Variants in FAAP20 observed in about 807,000 individuals in gnomAD.
FAAP20 encodes Fanconi anemia core complex-associated protein 20.
FAAP20 carries 12 observed loss-of-function variants against 16.2 expected under a neutral mutation model. The observed-to-expected ratio is 0.74, with a 90% confidence interval of 0.48 to 1.20. FAAP20 has a LOEUF of 1.20. FAAP20 is among the 50% of genes most tolerant of loss of function. The pLI, the probability that FAAP20 is intolerant of heterozygous loss-of-function variation, is 0.00. For synonymous variants in FAAP20, 141 were observed against 110.7 expected (o/e 1.27, Z -1.72); for missense variants, 288 against 245.8 (o/e 1.17, Z -1.15).
chr1:2,198,120 G>T, upstream of FAAP20: 2 of 1,291,064 alleles, frequency 1.5e-6, no homozygotes, highest in Non-Finnish European at 2.0e-6. Flanking sequence ...GGAGCCATCT[G>T]CTGCTGTGGT....
At chr1:2,199,651 GACTCATGTCC>G, upstream of FAAP20, 1 of 985,210 alleles carries the variant, frequency 1.0e-6, no homozygotes. This position sits in a 1 kb window ranked among gnomAD's most constrained non-coding sequence, Gnocchi z 4.5. Flanking sequence ...CGTCTCCGAA[GACTCATGTCC>G]ACCAGTACCT....
At chr1:2,207,447 T>C (rs1020855866), downstream of FAAP20, 1 of 152,196 alleles carries the variant, frequency 6.6e-6, no homozygotes, top group Non-Finnish European at 1.5e-5. Flanking sequence ...CTGTCGGAGA[T>C]GGAGGCGGGA....
At chr1:2,201,310 G>A, upstream of FAAP20, 2 of 1,055,424 alleles carry the variant, frequency 1.9e-6, no homozygotes, top group Non-Finnish European at 2.4e-6. Context: ...AGCGACCTCT[G>A]TAGGCTCGAA....
chr1:2,212,001 C>A (rs949808948), downstream of FAAP20, among the ~76,000 whole-genome samples: 1 of 147,882 alleles, frequency 6.8e-6, no homozygotes, highest in Non-Finnish European at 1.5e-5. Flanking sequence ...CTCCCAGGTT[C>A]ACACCATTCT....
upstream of FAAP20, chr1:2,198,560 G>T: frequency 3.9e-6 from 3 of 778,182 alleles, no homozygotes; most frequent in Non-Finnish European, 5.3e-6. Flanking sequence ...TGCAAATCAG[G>T]CTAAGACAGC....
At chr1:2,212,460 T>C (rs1175818418) in intron 1 of FAAP20, 1 of 155,878 alleles carries the variant, frequency 6.4e-6, no homozygotes, top group Non-Finnish European at 1.4e-5. Flanking sequence ...CTTGGATCTC[T>C]GGTTGGGGGA....
At chr1:2,201,649 G>A (rs370056032), upstream of FAAP20, among the ~76,000 whole-genome samples, 3 of 152,174 alleles carry the variant, frequency 2.0e-5, no homozygotes, top group African/African-American at 7.2e-5. Flanking sequence ...TTGAACCTGG[G>A]AGGCGGAGGT....
At chr1:2,187,063 G>C (rs1295442425), downstream of FAAP20, 1 of 375,474 alleles carries the variant, frequency 2.7e-6, no homozygotes, top group Non-Finnish European at 5.6e-6. Flanking sequence ...CGAAAACTCT[G>C]GTGACTTGGG....
At chr1:2,185,391 T>A (rs182024458), downstream of FAAP20, 65 of 718,872 alleles carry the variant, frequency 9.0e-5, no homozygotes, top group Admixed American at 5.0e-4. Flanking sequence ...TCCGATGATG[T>A]GGAAGCTCCT....
rs781258049 is a variant in FAAP20, at chr1:2,193,641, G to A, written c.468C>T (p.Pro156=). The A allele has an allele frequency of 6.3e-7, 1 of 1,595,036 alleles. No individual in the cohort carries two copies. The highest frequency in any genetic ancestry group is 1.4e-5 in the African/African-American group (1 of 73,834). ...GGGCGCAGGGGTGGCCTACTCACCTGGGGGCGAACTCCTTCTGGCACATGG... is the reference window on the plus strand; with the variant it reads ...GGGCGCAGGGGTGGCCTACTCACCTAGGGGCGAACTCCTTCTGGCACATGG... The part of the protein sequence containing the change: ...SCPMCQKEFA[P]RLTQLDVDSH... The change falls in exon 3 of 4, where the codon CCC becomes CCT. Residue 156 remains proline, a splice_region_variant and synonymous_variant. Transcript: ENST00000378546.
upstream of FAAP20, chr1:2,203,450 C>T (rs970495774): frequency 2.0e-6 from 2 of 985,716 alleles, no homozygotes; most frequent in Admixed American, 6.1e-5. Flanking sequence ...GCAGGCCACC[C>T]TGCTGCTCCA....
At chr1:2,192,083 G>A (rs533051736) in intron 3 of FAAP20, 99 of 985,534 alleles carry the variant, frequency 1.0e-4, no homozygotes, top group South Asian at 3.3e-4. Flanking sequence ...GCGCCTGTGC[G>A]GGACAGGGCG....
chr1:2,198,848 G>A, upstream of FAAP20: 2 of 1,289,788 alleles, frequency 1.6e-6, no homozygotes, highest in Non-Finnish European at 2.0e-6. Context: ...GTGGATGCCA[G>A]GCAGGCACGC....
chr1:2,197,221 C>T (rs142571156), upstream of FAAP20, among the ~76,000 whole-genome samples: 3,444 of 152,330 alleles, frequency 0.023, 53 homozygotes, highest in Non-Finnish European at 0.034. Flanking sequence ...CCTTTCTGGG[C>T]GGGAGGACCC....
upstream of FAAP20, chr1:2,198,601 G>T: frequency 9.0e-7 from 1 of 1,105,554 alleles, no homozygotes; most frequent in Non-Finnish European, 1.2e-6. Context: ...GCAGGCCTAA[G>T]CAGCCCGGTG....
downstream of FAAP20, among the ~76,000 whole-genome samples, chr1:2,211,966 G>GGCTCA: frequency 7.3e-6 from 1 of 136,938 alleles, no homozygotes; most frequent in African/African-American, 2.9e-5. Flanking sequence ...GCAGTAGTGT[G>GGCTCA]ATCTCGGCTC....
downstream of FAAP20, among the ~76,000 whole-genome samples, chr1:2,209,069 G>A (rs1689364374): frequency 1.3e-5 from 2 of 152,210 alleles, no homozygotes; most frequent in African/African-American, 4.8e-5. Flanking sequence ...CCCAGGCCGG[G>A]TTCCCCAGGG....
downstream of FAAP20, chr1:2,187,297 CTTTTTCTTTTT>C (rs959462275): frequency 1.1e-4 from 42 of 368,150 alleles, no homozygotes; most frequent in Admixed American, 8.7e-4. Flanking sequence ...TTTTTTTTTT[CTTTTTCTTTTT>C]TTTTTCTTTT....
downstream of FAAP20, chr1:2,187,148 T>C (rs1335926064): frequency 2.1e-6 from 1 of 470,438 alleles, no homozygotes; most frequent in Admixed American, 2.4e-5. Context: ...GGCTCTCCTG[T>C]GGATGACACT....
Sources: allele counts gnomAD v4.1 joint callset (sites outside exome capture counted in the v4.1 genomes callset), GRCh38; gene constraint gnomAD v4.1.1; non-coding constraint Gnocchi (gnomAD v3.1); transcripts MANE v1.5; gene names NCBI Gene and HGNC (gene_info 2026-07-23, HGNC 2026-07-21).